TRAPPC12: variants seen among roughly 807,000 people sequenced by gnomAD.
The protein encoded by TRAPPC12 is TPR repeat protein 15.
TRAPPC12 carries 61 observed loss-of-function variants against 69.2 expected under a neutral mutation model. The ratio of observed to expected loss-of-function variants is 0.88; its 90% CI spans 0.72 to 1.09. TRAPPC12 has a LOEUF of 1.09. Ranked by LOEUF, TRAPPC12 falls within the 50% of genes least tolerant of loss-of-function variation. The pLI is 0.00. For missense variants in TRAPPC12, 1,101 were observed against 1,016.4 expected, an observed-to-expected ratio of 1.08 and a Z score of -1.13; for synonymous variants, 469 against 438.9, an observed-to-expected ratio of 1.07 and a Z score of -0.86.
chr2:3,428,921 C>T (rs1190242142), intron 5 of TRAPPC12, among the ~76,000 whole-genome samples: 5 of 152,202 alleles, frequency 3.3e-5, no homozygotes, highest in Admixed American at 3.3e-4. Context: ...GCTCCTCAAT[C>T]TCCACCCCCT....
At chr2:3,404,670 G>A (rs774816012) in intron 3 of TRAPPC12, among the ~76,000 whole-genome samples, 6 of 152,100 alleles carry the variant, frequency 3.9e-5, no homozygotes, top group Non-Finnish European at 7.4e-5. Context: ...GTCAGGAAGC[G>A]TGTCTTGTTC....
chr2:3,387,100 C>T (rs1660528530), intron 1 of TRAPPC12, among the ~76,000 whole-genome samples: 1 of 152,186 alleles, frequency 6.6e-6, no homozygotes, highest in South Asian at 2.1e-4. Context: ...CAGCAGCATC[C>T]ACAATAGCTA....
chr2:3,403,230 A>ATTTTTT lies in TRAPPC12; in HGVS notation c.1164+1351_1164+1356dup, dbSNP rs35354979. Reference sequence around the variant, plus strand: ...CTGCACCGGGCTTCAGATTTCACCAATTTTTTTTTTTTTTTTTTTGAGATG... The same window carrying ATTTTTT: ...CTGCACCGGGCTTCAGATTTCACCAATTTTTTTTTTTTTTTTTTTTTTTTTGAGATG... On this transcript the variant is annotated intron_variant, in intron 3 of 11. Transcript: ENST00000324266. Among the ~76,000 whole-genome samples the ATTTTTT allele has an allele frequency of 8.5e-4, 101 of 119,386 alleles. 4 individuals are homozygous for ATTTTTT. Among genetic ancestry groups the ATTTTTT allele is most frequent in the African/African-American group, 2.9e-3 (90 of 30,716 alleles). 78.3% of individuals were successfully genotyped at this position (119,386 alleles called of 152,430 possible). A position where few individuals can be genotyped will look rare whatever the true frequency, so the allele number is the denominator to read the frequency against.
chr2:3,457,569 A>T, intron 6 of TRAPPC12, 52 bp from the exon 7 acceptor site: 1 of 1,481,050 alleles, frequency 6.8e-7, no homozygotes. Flanking sequence ...ACAAAGTCTT[A>T]GACAAAAATT....
At chr2:3,431,695 A>G (rs1005910498) in intron 5 of TRAPPC12, among the ~76,000 whole-genome samples, 2 of 152,140 alleles carry the variant, frequency 1.3e-5, no homozygotes, top group African/African-American at 4.8e-5. Context: ...TATCCATGAA[A>G]ATATTTCTAG....
rs190859187 is a variant in TRAPPC12, at chr2:3,473,247, G to A, written c.1777-4448G>A. Among the ~76,000 whole-genome samples, 438 of 152,270 alleles carry A rather than the reference G, an allele frequency of 2.9e-3. 2 individuals are homozygous for A. The highest frequency in any genetic ancestry group is 0.01 in the African/African-American group (423 of 41,556). On this transcript the variant is annotated intron_variant, in intron 9 of 11. Transcript: ENST00000324266. ...GGCTCTGCTGTGCTCACGCCGGGAC[G>A]GGAAGAGGAGCTGGTGAAGGAGAAC...
intron 3 of TRAPPC12, among the ~76,000 whole-genome samples, chr2:3,402,307 C>T (rs1412296220): frequency 6.6e-6 from 1 of 152,052 alleles, no homozygotes; most frequent in African/African-American, 2.4e-5. Context: ...TTTTAAAATT[C>T]ATGGCTGGGC....
At chr2:3,385,056 A>G (rs1344968293) in intron 1 of TRAPPC12, among the ~76,000 whole-genome samples, 1 of 152,216 alleles carries the variant, frequency 6.6e-6, no homozygotes, top group East Asian at 1.9e-4. Flanking sequence ...TACAAATTAT[A>G]TGTCCATTCT....
At chr2:3,454,019 A>G (rs1444399528) in intron 6 of TRAPPC12, among the ~76,000 whole-genome samples, 2 of 152,164 alleles carry the variant, frequency 1.3e-5, no homozygotes, top group Non-Finnish European at 2.9e-5. Flanking sequence ...CACACCCTAC[A>G]AATAAAACAA....
chr2:3,403,464 C>T (rs2103473938), intron 3 of TRAPPC12, among the ~76,000 whole-genome samples: 1 of 152,312 alleles, frequency 6.6e-6, no homozygotes, highest in Non-Finnish European at 1.5e-5. Flanking sequence ...CTCCTGACCT[C>T]AGGTGATCCG....
intron 3 of TRAPPC12, among the ~76,000 whole-genome samples, chr2:3,405,985 G>A (rs922361136): frequency 2.6e-5 from 4 of 152,148 alleles, no homozygotes; most frequent in Admixed American, 6.5e-5. Context: ...CCCTGCTTCT[G>A]TAACTGGCGG....
At chr2:3,448,910 G>A (rs1664702756) in intron 6 of TRAPPC12, among the ~76,000 whole-genome samples, 1 of 152,246 alleles carries the variant, frequency 6.6e-6, no homozygotes, top group African/African-American at 2.4e-5. Flanking sequence ...ACTGATTCGA[G>A]TCTGTGTTCA....
intron 3 of TRAPPC12, among the ~76,000 whole-genome samples, chr2:3,402,729 T>C (rs894365387): frequency 4.6e-5 from 7 of 152,210 alleles, no homozygotes; most frequent in African/African-American, 1.2e-4. Context: ...GGAGAAGATA[T>C]TGGAAGTTTG....
At chr2:3,476,195 A>G (rs572779378) in intron 9 of TRAPPC12, among the ~76,000 whole-genome samples, 6 of 152,026 alleles carry the variant, frequency 3.9e-5, no homozygotes, top group Non-Finnish European at 8.8e-5. Flanking sequence ...TCCTCCTCGT[A>G]TGGTATTTCT....
chr2:3,462,004 T>A (rs889965391), intron 8 of TRAPPC12, among the ~76,000 whole-genome samples: 7 of 152,256 alleles, frequency 4.6e-5, no homozygotes, highest in African/African-American at 1.7e-4. Flanking sequence ...CTGAGGGCAT[T>A]GTCAGCGTCA....
At chr2:3,417,688 C>T (rs1413885634) in intron 3 of TRAPPC12, among the ~76,000 whole-genome samples, 1 of 152,154 alleles carries the variant, frequency 6.6e-6, no homozygotes, top group Non-Finnish European at 1.5e-5. Flanking sequence ...CCAACATTTA[C>T]TCATCGAACT....
At position 3,421,863 on chromosome 2, in the gene TRAPPC12, T is replaced by G; in HGVS notation, c.1165-18T>G. On this transcript the variant is annotated intron_variant, in intron 3 of 11. Coordinates refer to ENST00000324266, the MANE Select transcript of TRAPPC12 (RefSeq NM_016030.6). ...CCTTGCATGTGTGTTTGGTCACATG[T>G]TCTGCCGTGTCTTGCAGAGCTGCAG... The G allele has an allele frequency of 1.9e-6, 3 of 1,609,518 alleles. No individual in the cohort carries two copies. Among genetic ancestry groups the G allele is most frequent in the Non-Finnish European group, 2.6e-6 (3 of 1,176,148 alleles).
At chr2:3,474,570 G>A (rs996309627) in intron 9 of TRAPPC12, among the ~76,000 whole-genome samples, 3 of 152,300 alleles carry the variant, frequency 2.0e-5, no homozygotes, top group South Asian at 2.1e-4. Context: ...TTTCTGCCAC[G>A]GAAACACTGA....
intron 4 of TRAPPC12, 82 bp downstream of exon 4, chr2:3,422,076 C>A (rs1016816881): frequency 3.8e-6 from 4 of 1,046,340 alleles, no homozygotes; most frequent in South Asian, 1.4e-5. Flanking sequence ...CCTTTCATGC[C>A]AATAACAAAA....
Sources: gnomAD v4.1 joint callset for allele counts (sites outside exome capture counted in the v4.1 genomes callset) on GRCh38, gnomAD v4.1.1 for gene constraint, MANE v1.5 for transcripts, NCBI Gene and HGNC (gene_info 2026-07-23, HGNC 2026-07-21) for gene names.